Variants in LIFR observed in about 807,000 individuals in gnomAD.
The protein encoded by LIFR is LIF receptor subunit alpha.
Under a neutral mutation model 122.2 loss-of-function variants are expected in LIFR, and 84 were observed. The ratio of observed to expected loss-of-function variants is 0.69; its 90% CI spans 0.58 to 0.82. LIFR has a LOEUF of 0.82. LIFR is among the 40% of genes least tolerant of loss of function. The probability of loss-of-function intolerance (pLI) is 0.00; values close to 1 mark genes in which losing one functional copy is unlikely to be tolerated. For missense variants in LIFR, 1,294 were observed against 1,311.6 expected, an observed-to-expected ratio of 0.99 and a Z score of 0.21; for synonymous variants, 422 against 434.7, an observed-to-expected ratio of 0.97 and a Z score of 0.36.
At chr5:38,507,355 G>GGA (rs1745544016) in intron 7 of LIFR, among the ~76,000 whole-genome samples, 1 of 151,810 alleles carries the variant, frequency 6.6e-6, no homozygotes, top group African/African-American at 2.4e-5. Flanking sequence ...CCTGAAGTCA[G>GGA]GAGTTTGAGA....
At chr5:38,535,627 T>G (rs1747257195) in intron 1 of LIFR, among the ~76,000 whole-genome samples, 1 of 152,122 alleles carries the variant, frequency 6.6e-6, no homozygotes, top group Non-Finnish European at 1.5e-5. Context: ...ACTGCTTCAC[T>G]TCCTAATCTT....
chr5:38,496,633 A>G, intron 12 of LIFR, 38 bp from the exon 13 acceptor site: 1 of 1,454,286 alleles, frequency 6.9e-7, no homozygotes, highest in Non-Finnish European at 9.7e-7. Flanking sequence ...AACCCTGCAA[A>G]ACGTGACTGT....
rs1743840053 is a variant in LIFR, at chr5:38,478,771, C to T, written c.*2824G>A. ...ATGTGTCTTACATGAATTACTATCCCACAGATATGATGGAACATAATGCTA... is the reference window on the plus strand; with the variant it reads ...ATGTGTCTTACATGAATTACTATCCTACAGATATGATGGAACATAATGCTA... On this transcript the variant is annotated 3_prime_UTR_variant, in exon 20 of 20. Transcript: ENST00000453190. 4.6e-6 allele frequency: 1 copy of T among 217,920 alleles called. No homozygotes were observed. Among genetic ancestry groups the T allele is most frequent in the Admixed American group, 5.8e-5 (1 of 17,214 alleles). 13.5% of individuals were successfully genotyped at this position (217,920 alleles called of 1,614,324 possible).
intron 2 of LIFR, among the ~76,000 whole-genome samples, chr5:38,605,513 T>A (rs964064937): frequency 5.9e-5 from 9 of 152,210 alleles, no homozygotes; most frequent in African/African-American, 2.2e-4. Flanking sequence ...TAGAAGCAAG[T>A]GCTATTTAAG....
chr5:38,522,088 G>A (rs1746432417), intron 5 of LIFR, among the ~76,000 whole-genome samples: 1 of 152,194 alleles, frequency 6.6e-6, no homozygotes, highest in African/African-American at 2.4e-5. Flanking sequence ...CCCTGCTACT[G>A]AGGAGGAAGA....
rs1743765244 is a variant in LIFR, at chr5:38,477,185, C to T, written c.*4410G>A. On this transcript the variant is annotated 3_prime_UTR_variant, in exon 20 of 20. Coordinates refer to ENST00000453190, the MANE Select transcript of LIFR (RefSeq NM_001127671.2). Reference sequence around the variant, plus strand: ...AAAAGGAATAAAAAAATCTAACCACCATAGCAAAATAAGGGGTTTAAGTAT... The same window carrying T: ...AAAAGGAATAAAAAAATCTAACCACTATAGCAAAATAAGGGGTTTAAGTAT... 4.5e-6 allele frequency: 1 copy of T among 221,002 alleles called. No individual in the cohort carries two copies. The highest frequency in any genetic ancestry group is 2.2e-5 in the African/African-American group (1 of 44,670). The allele number at this position is 221,002 out of a possible 1,614,324, so 13.7% of individuals were successfully genotyped here. A position where few individuals can be genotyped will look rare whatever the true frequency, so the allele number is the denominator to read the frequency against.
In LIFR at chr5:38,490,196, C is replaced by G; in HGVS notation, c.2161G>C (p.Glu721Gln). 2 of 1,481,340 alleles carry G rather than the reference C, an allele frequency of 1.4e-6. No homozygotes were observed. The highest frequency in any genetic ancestry group is 1.9e-6 in the Non-Finnish European group (2 of 1,067,030). The allele number at this position is 1,481,340 out of a possible 1,614,324, so 91.8% of individuals were successfully genotyped here. Residue 721 changes from glutamate (E) to glutamine (Q), a missense_variant, in exon 15 of 20, where the codon GAA becomes CAA. Transcript: ENST00000453190. ...LLRSMIGYIE[E>Q]LAPIVAPNFT... Reference sequence around the variant, plus strand: ...AAGTACCCATTTAACTTACCCAATTCTTCTATATATCCAATCATGGAGCGT... The same window carrying G: ...AAGTACCCATTTAACTTACCCAATTGTTCTATATATCCAATCATGGAGCGT...
chr5:38,482,308 T>C (rs1376385408), intron 19 of LIFR, 90 bp from the exon 20 acceptor site: 1 of 1,302,018 alleles, frequency 7.7e-7, no homozygotes, highest in Non-Finnish European at 1.1e-6. Context: ...TTTTCCCCAA[T>C]CTGCTTGTAA....
At chr5:38,512,774 G>T (rs775873276) in intron 5 of LIFR, among the ~76,000 whole-genome samples, 22 of 152,110 alleles carry the variant, frequency 1.4e-4, no homozygotes, top group Non-Finnish European at 2.6e-4. Context: ...TGGATTTTCA[G>T]ATTAGGGATG....
At chr5:38,518,327 T>G (rs1746214594) in intron 5 of LIFR, among the ~76,000 whole-genome samples, 1 of 152,180 alleles carries the variant, frequency 6.6e-6, no homozygotes, top group East Asian at 1.9e-4. Context: ...AGTCTTCCTG[T>G]GACTCTGTAT....
chr5:38,513,844 T>A (rs901575093), intron 5 of LIFR, among the ~76,000 whole-genome samples: 1 of 152,050 alleles, frequency 6.6e-6, no homozygotes, highest in African/African-American at 2.4e-5. Flanking sequence ...CGCTTAACTG[T>A]GAGCAGCAAC....
Position 38,517,717 on chromosome 5 carries a change from C to T in LIFR, c.561+5702G>A, listed in dbSNP as rs185600244. On this transcript the variant is annotated intron_variant, in intron 5 of 19. Transcript: ENST00000453190. ...CTAAAAATACAAAAAGTTAGTCGGG[C>T]GTGGTGGCATGTGCCTGTAGTCCCA... 2.0e-3 allele frequency among the ~76,000 whole-genome samples: 301 copies of T among 151,374 alleles called. 3 individuals are homozygous for T. Among genetic ancestry groups the T allele is most frequent in the African/African-American group, 6.6e-3 (272 of 41,254 alleles).
chr5:38,553,484 T>C (rs1748314271), intron 1 of LIFR, among the ~76,000 whole-genome samples: 1 of 151,422 alleles, frequency 6.6e-6, no homozygotes, highest in Non-Finnish European at 1.5e-5. Context: ...TAGAAAGTTG[T>C]CTGGAATATT....
intron 4 of LIFR, 38 bp from the exon 5 acceptor site, chr5:38,523,620 A>G (rs755722538): frequency 4.6e-6 from 7 of 1,509,750 alleles, no homozygotes; most frequent in South Asian, 2.3e-5. Context: ...ACTTAGTAAA[A>G]TAAGTAATGA....
chr5:38,571,934 G>A (rs969743098), intron 1 of LIFR, among the ~76,000 whole-genome samples: 2 of 152,140 alleles, frequency 1.3e-5, no homozygotes, highest in South Asian at 2.1e-4. Context: ...CTTTCAAACC[G>A]AAGGTCAATT....
intron 1 of LIFR, among the ~76,000 whole-genome samples, chr5:38,592,054 T>C (rs577398812): frequency 5.3e-5 from 8 of 152,298 alleles, no homozygotes; most frequent in Non-Finnish European, 1.0e-4. Context: ...CTCCACTCCA[T>C]GCTGACTCTT....
rs972959577 is a variant in LIFR at position 38,474,761 on chromosome 5, G to T, written c.*6834C>A. The stretch of plus-strand genomic sequence containing the variant: ...GCTAACTTCTCAGGTAAACAATAAT[G>T]ACTTAATGGACAGATGGATGTTACA... On this transcript the variant is annotated 3_prime_UTR_variant, in exon 20 of 20. Coordinates refer to ENST00000453190, the MANE Select transcript of LIFR (RefSeq NM_001127671.2). 7.9e-5 allele frequency among the ~76,000 whole-genome samples: 12 copies of T among 152,094 alleles called. No homozygotes were observed. The highest frequency in any genetic ancestry group is 2.9e-4 in the African/African-American group (12 of 41,412).
rs745601310 is a variant in LIFR at position 38,481,638 on chromosome 5, C to A, written c.3251G>T (p.Gly1084Val). 6 of 1,614,074 alleles carry A rather than the reference C, an allele frequency of 3.7e-6. No individual in the cohort carries two copies. Among genetic ancestry groups the A allele is most frequent in the Non-Finnish European group, 4.2e-6 (5 of 1,179,962 alleles). Residue 1084 changes from glycine to valine, a missense_variant, in exon 20 of 20, where the codon GGG becomes GTG. Gly to Val is a moderately radical substitution (Grantham distance 109). Transcript: ENST00000453190. ...CTGAAAAAAGTTTGTAAAGGACCAC[C>A]CTCCTCCATTAGATTTAGGAGAGTC... is the stretch of plus-strand genomic sequence containing the variant. ...DEDSPKSNGG[G>V]WSFTNFFQNK...
chr5:38,504,139 A>G lies in LIFR; in HGVS notation c.1292-18T>C. The G allele has an allele frequency of 1.4e-6, 2 of 1,461,128 alleles. No individual in the cohort carries two copies. The highest frequency in any genetic ancestry group is 1.9e-6 in the Non-Finnish European group (2 of 1,042,466). 90.5% of individuals were successfully genotyped at this position (1,461,128 alleles called of 1,614,324 possible). On this transcript the variant is annotated intron_variant, in intron 9 of 19. Coordinates refer to ENST00000453190, the MANE Select transcript of LIFR (RefSeq NM_001127671.2). ...GGGATAAACTGCAAATATAATTTTT[A>G]AAGATTAAACACTTATTTAAAGGGA...
Sources: gnomAD v4.1 joint callset for allele counts (sites outside exome capture counted in the v4.1 genomes callset) on GRCh38, gnomAD v4.1.1 for gene constraint, MANE v1.5 for transcripts, NCBI Gene and HGNC (gene_info 2026-07-23, HGNC 2026-07-21) for gene names.